Variants in IL23R observed in about 807,000 individuals in gnomAD.
The protein encoded by IL23R is interleukin-23 receptor.
Under a neutral mutation model 56.9 loss-of-function variants are expected in IL23R, and 34 were observed. That is an observed-to-expected ratio of 0.60 (90% CI 0.45 to 0.80). The LOEUF (loss-of-function observed/expected upper bound fraction) is 0.80. IL23R is among the 30% of genes least tolerant of loss of function. The pLI is 0.00. For synonymous variants in IL23R, 230 were observed against 249.2 expected, an observed-to-expected ratio of 0.92 and a Z score of 0.73; for missense variants, 635 against 730.0, an observed-to-expected ratio of 0.87 and a Z score of 1.50.
Position 67,200,896 on chromosome 1 carries a change from A to C in IL23R, c.651A>C (p.Ile217=), listed in dbSNP as rs1183806546. ...AACTGCAAATTCACCTGGATGATAT[A>C]GGTAAAGAATAAGAAATTCTGTAAG... ...SKQLQIHLDD[I]VIPSAAVISR... Residue 217 remains isoleucine, a splice_region_variant and synonymous_variant, in exon 5 of 11, where the codon ATA becomes ATC. Coordinates refer to ENST00000347310, the MANE Select transcript of IL23R (RefSeq NM_144701.3). 1 of 1,614,040 alleles carries C rather than the reference A, an allele frequency of 6.2e-7. No individual in the cohort carries two copies. Among genetic ancestry groups the C allele is most frequent in the South Asian group, 1.1e-5 (1 of 91,088 alleles).
chr1:67,182,990 C>T, intron 4 of IL23R, 31 bp downstream of exon 4: 1 of 1,612,876 alleles, frequency 6.2e-7, no homozygotes, highest in Admixed American at 1.7e-5. Flanking sequence ...TTCATATAAG[C>T]AGTTCCACCC....
In IL23R at chr1:67,259,229, T is replaced by A; in HGVS notation, c.*101T>A. On this transcript the variant is annotated 3_prime_UTR_variant, in exon 11 of 11. Transcript: ENST00000347310. Reference sequence around the variant, plus strand: ...ATTCTGCCTCTTTTTGAAAAAAATGTATTCACATACAAATCTTCACATGGA... The same window carrying A: ...ATTCTGCCTCTTTTTGAAAAAAATGAATTCACATACAAATCTTCACATGGA... 8.8e-7 allele frequency: 1 copy of A among 1,139,906 alleles called. No individual in the cohort carries two copies. The highest frequency in any genetic ancestry group is 1.3e-6 in the Non-Finnish European group (1 of 766,178). 70.6% of individuals were successfully genotyped at this position (1,139,906 alleles called of 1,614,324 possible).
chr1:67,233,972 TGA>T (rs1181927412), intron 7 of IL23R, among the ~76,000 whole-genome samples: 2 of 141,988 alleles, frequency 1.4e-5, no homozygotes, highest in Non-Finnish European at 3.1e-5. Context: ...TGTGTGTGTG[TGA>T]GATTCTGTGT....
chr1:67,146,437 CT>C (rs974252603), intron 1 of IL23R, among the ~76,000 whole-genome samples: 1 of 152,172 alleles, frequency 6.6e-6, no homozygotes, highest in African/African-American at 2.4e-5. Flanking sequence ...ACAGAGATCA[CT>C]GTGAAACAGC....
At chr1:67,247,819 A>G (rs907276332) in intron 9 of IL23R, among the ~76,000 whole-genome samples, 1 of 152,128 alleles carries the variant, frequency 6.6e-6, no homozygotes, top group African/African-American at 2.4e-5. Flanking sequence ...GTGGTGACAG[A>G]ATCTCTCAGC....
At chr1:67,175,212 A>C (rs1160659124) in intron 3 of IL23R, among the ~76,000 whole-genome samples, 1 of 152,142 alleles carries the variant, frequency 6.6e-6, no homozygotes, top group African/African-American at 2.4e-5. Context: ...TTGCCATAAC[A>C]TGGCCACCTG....
intron 5 of IL23R, among the ~76,000 whole-genome samples, chr1:67,204,846 T>C (rs1042033022): frequency 6.6e-6 from 1 of 151,912 alleles, no homozygotes. Context: ...TGGCATGATC[T>C]CAGCTCGCTG....
In IL23R at chr1:67,148,152, G is replaced by A. The variant is rs149530068; in HGVS notation, c.-634+8991G>A. 5.3e-3 allele frequency among the ~76,000 whole-genome samples: 814 copies of A among 152,382 alleles called. 2 individuals are homozygous for A. Among genetic ancestry groups the A allele is most frequent in the Non-Finnish European group, 8.8e-3 (602 of 68,030 alleles). ...AGCCCGATCCGCAGCGGCGATGGGCGCCTCGCTGGGTCAGAAACGCAGTGT... is the reference window on the plus strand; with the variant it reads ...AGCCCGATCCGCAGCGGCGATGGGCACCTCGCTGGGTCAGAAACGCAGTGT... On this transcript the variant is annotated intron_variant, in intron 1 of 10. Coordinates refer to the IL23R transcript ENST00000637002.
intron 7 of IL23R, among the ~76,000 whole-genome samples, chr1:67,223,494 A>C (rs1423393732): frequency 6.6e-6 from 1 of 152,220 alleles, no homozygotes; most frequent in African/African-American, 2.4e-5. Flanking sequence ...AAGACACATT[A>C]CATGAGAAAC....
At chr1:67,170,342 A>G (rs1225144515) in intron 3 of IL23R, among the ~76,000 whole-genome samples, 1 of 152,246 alleles carries the variant, frequency 6.6e-6, no homozygotes, top group Non-Finnish European at 1.5e-5. Context: ...AGAGTCTCCT[A>G]CAGTCCTCTG....
intron 4 of IL23R, among the ~76,000 whole-genome samples, chr1:67,194,624 A>T (rs1647998347): frequency 6.6e-6 from 1 of 152,330 alleles, no homozygotes; most frequent in East Asian, 1.9e-4. Flanking sequence ...CTTAGTAACT[A>T]TGGTTACTGT....
intron 9 of IL23R, among the ~76,000 whole-genome samples, chr1:67,241,387 T>C (rs1221908103): frequency 3.3e-5 from 5 of 152,240 alleles, no homozygotes. Context: ...AGTTTGACTT[T>C]GTCACATTTA....
chr1:67,167,277 C>T (rs967546398), intron 1 of IL23R, among the ~76,000 whole-genome samples: 3 of 152,108 alleles, frequency 2.0e-5, no homozygotes, highest in African/African-American at 4.8e-5. Flanking sequence ...CACCCTGTTG[C>T]CCAGCCTGAT....
At chr1:67,206,425 C>T (rs1287811295) in intron 5 of IL23R, among the ~76,000 whole-genome samples, 2 of 152,164 alleles carry the variant, frequency 1.3e-5, no homozygotes, top group Non-Finnish European at 2.9e-5. Context: ...ACCCTCCCAT[C>T]TCAGCCTCCT....
Position 67,244,930 on chromosome 1 carries a change from C to T in IL23R, c.1148+4649C>T, listed in dbSNP as rs1398931334. ...TATGGCCATTTTCATGATATTGATTCTTCCTACCCATGAGCATGGAATGTT... is the reference window on the plus strand; with the variant it reads ...TATGGCCATTTTCATGATATTGATTTTTCCTACCCATGAGCATGGAATGTT... On this transcript the variant is annotated intron_variant, in intron 9 of 10. Transcript: ENST00000347310. Among the ~76,000 whole-genome samples the T allele has an allele frequency of 2.0e-5, 3 of 152,156 alleles. No homozygotes were observed. In the East Asian group the frequency reaches 5.8e-4, roughly 29 times the overall value.
chr1:67,191,846 A>G (rs764316046), intron 4 of IL23R, among the ~76,000 whole-genome samples: 1 of 152,180 alleles, frequency 6.6e-6, no homozygotes, highest in Non-Finnish European at 1.5e-5. Flanking sequence ...TTTGGCTTCC[A>G]GGACAGGACT....
At position 67,168,090 on chromosome 1, in the gene IL23R, A is replaced by T; in HGVS notation, c.-29-2A>T. 6.8e-7 allele frequency: 1 copy of T among 1,479,080 alleles called. No individual in the cohort carries two copies. Among genetic ancestry groups the T allele is most frequent in the Non-Finnish European group, 9.4e-7 (1 of 1,058,248 alleles). The allele number at this position is 1,479,080 out of a possible 1,614,324, so 91.6% of individuals were successfully genotyped here. A position where few individuals can be genotyped will look rare whatever the true frequency, so the allele number is the denominator to read the frequency against. ...TAAACATTTTTCATATTTTTTTTCCAGAGGGAAACAGTCTTTTCCTGCTTC... is the reference window on the plus strand; with the variant it reads ...TAAACATTTTTCATATTTTTTTTCCTGAGGGAAACAGTCTTTTCCTGCTTC... On this transcript the variant is annotated splice_acceptor_variant, in intron 1 of 10. Coordinates refer to ENST00000347310, the MANE Select transcript of IL23R (RefSeq NM_144701.3). LOFTEE classifies it low-confidence loss of function (5UTR_SPLICE).
intron 1 of IL23R, among the ~76,000 whole-genome samples, chr1:67,167,634 G>C (rs983278699): frequency 2.0e-5 from 3 of 152,114 alleles, no homozygotes; most frequent in Non-Finnish European, 4.4e-5. Flanking sequence ...TGAGTTGGGA[G>C]GACCGCTTGA....
intron 7 of IL23R, among the ~76,000 whole-genome samples, chr1:67,231,195 G>A (rs951850647): frequency 3.3e-5 from 5 of 152,130 alleles, no homozygotes; most frequent in African/African-American, 1.2e-4. Context: ...ATTGGCAAGC[G>A]CAAAAGTAAA....
Sources: gnomAD v4.1 joint callset for allele counts (sites outside exome capture counted in the v4.1 genomes callset) on GRCh38, gnomAD v4.1.1 for gene constraint, MANE v1.5 for transcripts, NCBI Gene and HGNC (gene_info 2026-07-23, HGNC 2026-07-21) for gene names.